PLEKHA7: variants seen among roughly 807,000 people sequenced by gnomAD.
The protein encoded by PLEKHA7 is pleckstrin homology domain containing A7.
Under a neutral mutation model 170.0 loss-of-function variants are expected in PLEKHA7, and 104 were observed. The ratio of observed to expected loss-of-function variants is 0.61; its 90% CI spans 0.52 to 0.72. PLEKHA7 has a LOEUF of 0.72. PLEKHA7 is among the 30% of genes least tolerant of loss of function. The pLI is 0.00. For synonymous variants in PLEKHA7, 648 were observed against 660.8 expected (o/e 0.98, Z 0.30); for missense variants, 1,615 against 1,671.7 (o/e 0.97, Z 0.59).
At chr11:17,013,771 C>G (rs1423755692) in intron 3 of PLEKHA7, among the ~76,000 whole-genome samples, 2 of 152,188 alleles carry the variant, frequency 1.3e-5, no homozygotes, top group East Asian at 3.9e-4. Flanking sequence ...CTCTTCCCCC[C>G]CGGCCCAGGT....
chr11:16,991,361 A>G (rs760655130), intron 3 of PLEKHA7, among the ~76,000 whole-genome samples: 3 of 152,210 alleles, frequency 2.0e-5, no homozygotes, highest in South Asian at 2.1e-4. Context: ...CCTTGTCTTC[A>G]TGGAGATGCA....
chr11:16,795,315 A>C, intron 17 of PLEKHA7: 1 of 335,176 alleles, frequency 3.0e-6, no homozygotes, highest in South Asian at 4.2e-5. Flanking sequence ...TGTATGACAT[A>C]CTTAGAGTAG....
chr11:16,988,286 A>G lies in PLEKHA7; in HGVS notation c.221+25703T>C, dbSNP rs577067557. On this transcript the variant is annotated intron_variant, in intron 3 of 26. Transcript: ENST00000531066. ...AAGATCTGGGCTTGGAGAGAGATGC[A>G]ATCTAAACCTCTCCTTAGGGCTGCC... Among the ~76,000 whole-genome samples the G allele has an allele frequency of 1.6e-4, 24 of 152,280 alleles. No individual in the cohort carries two copies. The Middle Eastern group carries it at 0.01, about 65-fold the overall frequency.
intron 3 of PLEKHA7, among the ~76,000 whole-genome samples, chr11:16,984,713 C>T (rs919626574): frequency 1.4e-4 from 21 of 152,216 alleles, no homozygotes; most frequent in African/African-American, 5.1e-4. Context: ...CTCTCTTTCT[C>T]TCCTGCTAAT....
intron 3 of PLEKHA7, among the ~76,000 whole-genome samples, chr11:16,886,710 CAAA>C (rs35564863): frequency 3.8e-5 from 3 of 77,924 alleles, no homozygotes; most frequent in African/African-American, 4.9e-5. Context: ...GACTCTGTCT[CAAA>C]AAAAAAAAAA....
At chr11:16,978,876 A>C (rs938278987) in intron 3 of PLEKHA7, among the ~76,000 whole-genome samples, 3 of 152,198 alleles carry the variant, frequency 2.0e-5, no homozygotes, top group Admixed American at 2.0e-4. Flanking sequence ...ACAAGTACTC[A>C]TACAAATATG....
chr11:16,985,308 A>C (rs187449922), intron 3 of PLEKHA7, among the ~76,000 whole-genome samples: 97 of 152,320 alleles, frequency 6.4e-4, no homozygotes, highest in African/African-American at 2.2e-3. Context: ...CATTTTACTG[A>C]ATGTGAGGAC....
At chr11:16,885,433 C>A (rs988664740) in intron 3 of PLEKHA7, among the ~76,000 whole-genome samples, 2 of 150,916 alleles carry the variant, frequency 1.3e-5, no homozygotes, top group Non-Finnish European at 3.0e-5. Flanking sequence ...CTGAGGTGGG[C>A]GGATCACTTG....
At chr11:16,818,785 T>C (rs531580986) in intron 10 of PLEKHA7, among the ~76,000 whole-genome samples, 106 of 49,776 alleles carry the variant, frequency 2.1e-3, no homozygotes, top group African/African-American at 5.9e-3. Context: ...CCATCTTATT[T>C]TCTTTCTTTT....
chr11:16,844,993 A>G (rs1416144570), intron 8 of PLEKHA7, among the ~76,000 whole-genome samples: 1 of 152,260 alleles, frequency 6.6e-6, no homozygotes, highest in Admixed American at 6.5e-5. Context: ...GAGAAATACT[A>G]TGGACAAGTA....
At chr11:16,873,942 C>G (rs549416835) in intron 3 of PLEKHA7, among the ~76,000 whole-genome samples, 7 of 152,312 alleles carry the variant, frequency 4.6e-5, no homozygotes, top group Admixed American at 4.6e-4. Flanking sequence ...GCTGGGATTA[C>G]AGGCATGACC....
At chr11:16,838,693 CTTTTTTTTTTTT>C (rs869209891) in intron 9 of PLEKHA7, among the ~76,000 whole-genome samples, 13 of 107,862 alleles carry the variant, frequency 1.2e-4, no homozygotes, top group Middle Eastern at 0.014. Context: ...ACACAGTTTT[CTTTTTTTTTTTT>C]TTTTTTTTTG....
intron 3 of PLEKHA7, among the ~76,000 whole-genome samples, chr11:16,983,883 G>A (rs1370576975): frequency 1.3e-5 from 2 of 152,018 alleles, no homozygotes; most frequent in African/African-American, 4.8e-5. Context: ...TATTACCCCA[G>A]CTTGGGCAAC....
At chr11:17,003,503 C>T (rs548745399) in intron 3 of PLEKHA7, among the ~76,000 whole-genome samples, 8 of 152,336 alleles carry the variant, frequency 5.3e-5, no homozygotes, top group Middle Eastern at 3.4e-3. Flanking sequence ...TACAATGTGC[C>T]AGTAAACGTG....
intron 4 of PLEKHA7, among the ~76,000 whole-genome samples, chr11:16,860,654 A>G (rs763828610): frequency 2.0e-5 from 3 of 152,220 alleles, no homozygotes; most frequent in Non-Finnish European, 4.4e-5. Flanking sequence ...ACAGAGACAA[A>G]TAACTTATTC....
chr11:16,795,550 G>C (rs1261344511), intron 17 of PLEKHA7, among the ~76,000 whole-genome samples: 3 of 152,114 alleles, frequency 2.0e-5, no homozygotes, highest in Non-Finnish European at 4.4e-5. Flanking sequence ...CCCGCACTTT[G>C]GGAGGCCAAG....
At position 16,951,606 on chromosome 11, in the gene PLEKHA7, T is replaced by C. The variant is rs552535624; in HGVS notation, c.221+62383A>G. 2.0e-4 allele frequency among the ~76,000 whole-genome samples: 30 copies of C among 152,264 alleles called. 1 individual carries two copies. In the South Asian group the frequency reaches 6.0e-3, roughly 31 times the overall value. The stretch of plus-strand genomic sequence containing the variant: ...GAGACCCAGACTCTTATCCACAGGG[T>C]CATGCCATCATCTAGGTAAGCTATG... On this transcript the variant is annotated intron_variant, in intron 3 of 26. Coordinates refer to ENST00000531066, the MANE Select transcript of PLEKHA7 (RefSeq NM_001329630.2).
intron 3 of PLEKHA7, among the ~76,000 whole-genome samples, chr11:16,968,743 T>C (rs6486330): frequency 0.49 from 74,620 of 152,068 alleles, 18,787 homozygotes; most frequent in East Asian, 0.82. Flanking sequence ...AGCGCTTGCA[T>C]GCAATGGCTG....
Position 16,940,893 on chromosome 11 carries a change from T to C in PLEKHA7, c.222-69711A>G, listed in dbSNP as rs566405356. On this transcript the variant is annotated intron_variant, in intron 3 of 26. Coordinates refer to ENST00000531066, the MANE Select transcript of PLEKHA7 (RefSeq NM_001329630.2). ...ACAGGCCCAGTCCTCCCTAGCCAGG[T>C]GGCTCTGAAGTCATTTCTATCTATT... Among the ~76,000 whole-genome samples, 11 of 152,244 alleles carry C rather than the reference T, an allele frequency of 7.2e-5. No homozygotes were observed. In the South Asian group the frequency reaches 1.5e-3, roughly 20 times the overall value.
Sources: allele counts gnomAD v4.1 joint callset (sites outside exome capture counted in the v4.1 genomes callset), GRCh38; gene constraint gnomAD v4.1.1; transcripts MANE v1.5; gene names NCBI Gene and HGNC (gene_info 2026-07-23, HGNC 2026-07-21).